Variants in CSMD1 observed in about 807,000 individuals in gnomAD.
The protein encoded by CSMD1 is CUB and sushi domain-containing protein 1.
A neutral mutation model predicts 417.5 loss-of-function variants in CSMD1; 213 were observed. The ratio of observed to expected loss-of-function variants is 0.51; its 90% CI spans 0.46 to 0.57. The LOEUF is 0.57. CSMD1 is among the 20% of genes least tolerant of loss of function. The pLI, the probability that CSMD1 is intolerant of heterozygous loss-of-function variation, is 0.00. For synonymous variants in CSMD1, 2,862 were observed against 1,736.8 expected (o/e 1.65, Z -16.11); for missense variants, 6,923 against 4,529.7 (o/e 1.53, Z -15.17).
chr8:4,924,845 G>A lies in CSMD1; in HGVS notation c.85+69487C>T, dbSNP rs933275905. ...TCATATTAAGATTATTACAGTTCGG[G>A]AAGAAAATATGTTTCTCAAGTTTCC... is the stretch of plus-strand genomic sequence containing the variant. On this transcript the variant is annotated intron_variant, in intron 1 of 69. Transcript: ENST00000635120. Among the ~76,000 whole-genome samples the A allele has an allele frequency of 5.3e-5, 8 of 151,480 alleles. No homozygotes were observed. In the East Asian group the frequency reaches 7.7e-4, roughly 15 times the overall value.
chr8:4,854,270 A>T (rs1295827586), intron 1 of CSMD1, among the ~76,000 whole-genome samples: 1 of 152,122 alleles, frequency 6.6e-6, no homozygotes, highest in East Asian at 1.9e-4. Context: ...TATAATCCCC[A>T]GTGTTGGAGA....
chr8:4,009,024 A>G (rs1277998692), intron 4 of CSMD1, among the ~76,000 whole-genome samples: 1 of 152,154 alleles, frequency 6.6e-6, no homozygotes, highest in Admixed American at 6.6e-5. Flanking sequence ...TTTCCATCAG[A>G]GTAATTATTT....
At chr8:4,750,066 G>A (rs1198631019) in intron 1 of CSMD1, among the ~76,000 whole-genome samples, 1 of 151,838 alleles carries the variant, frequency 6.6e-6, no homozygotes, top group Non-Finnish European at 1.5e-5. Flanking sequence ...GAGTGCAGTG[G>A]GCGATCTCGG....
intron 1 of CSMD1, among the ~76,000 whole-genome samples, chr8:4,921,077 A>G (rs941943303): frequency 6.6e-6 from 1 of 150,950 alleles, no homozygotes; most frequent in Non-Finnish European, 1.5e-5. Flanking sequence ...AGAGAAAGAA[A>G]AAGAAAGAAA....
intron 4 of CSMD1, among the ~76,000 whole-genome samples, chr8:4,025,655 G>C (rs989384953): frequency 7.2e-5 from 11 of 152,230 alleles, no homozygotes; most frequent in African/African-American, 1.7e-4. Context: ...AATTAAGAAA[G>C]ACACAGATCT....
In CSMD1 at chr8:4,567,579, T is replaced by C. The variant is rs181801081; in HGVS notation, c.302+69763A>G. Among the ~76,000 whole-genome samples, 60 of 152,250 alleles carry C rather than the reference T, an allele frequency of 3.9e-4. No individual in the cohort carries two copies. The East Asian group carries it at 9.7e-3, about 25-fold the overall frequency. ...TAAGTGTCTGAATTAGTCACAAAATTGAGCTTGAAAACCCCACAGAAAGAG... is the reference window on the plus strand; with the variant it reads ...TAAGTGTCTGAATTAGTCACAAAATCGAGCTTGAAAACCCCACAGAAAGAG... On this transcript the variant is annotated intron_variant, in intron 2 of 69. Transcript: ENST00000635120.
At chr8:3,032,023 A>ATT (rs1164674433) in intron 50 of CSMD1, among the ~76,000 whole-genome samples, 1 of 151,210 alleles carries the variant, frequency 6.6e-6, no homozygotes, top group Non-Finnish European at 1.5e-5. Context: ...GTATGCTTTG[A>ATT]AAAATAGCCT....
intron 5 of CSMD1, among the ~76,000 whole-genome samples, chr8:3,816,292 T>A (rs1378310889): frequency 2.0e-5 from 3 of 152,210 alleles, no homozygotes; most frequent in Admixed American, 6.5e-5. Context: ...TTGTTCCTCA[T>A]TCTCTGCAGT....
chr8:3,516,553 T>C (rs1276527178), intron 10 of CSMD1, among the ~76,000 whole-genome samples: 1 of 152,234 alleles, frequency 6.6e-6, no homozygotes, highest in Non-Finnish European at 1.5e-5. Context: ...TATCAGGTCA[T>C]GTCTGCTTGA....
At chr8:4,688,378 G>T (rs911757003) in intron 1 of CSMD1, among the ~76,000 whole-genome samples, 2 of 152,120 alleles carry the variant, frequency 1.3e-5, no homozygotes, top group African/African-American at 4.8e-5. Context: ...GGACTATCAG[G>T]TTGAGCGTGG....
intron 1 of CSMD1, among the ~76,000 whole-genome samples, chr8:4,837,023 A>T (rs1034114383): frequency 1.3e-5 from 2 of 149,350 alleles, no homozygotes; most frequent in South Asian, 4.2e-4. Flanking sequence ...TCTGGCCTTG[A>T]TGTTGTTGTT....
intron 3 of CSMD1, among the ~76,000 whole-genome samples, chr8:4,104,094 T>C (rs1159443951): frequency 6.6e-6 from 1 of 152,160 alleles, no homozygotes; most frequent in East Asian, 1.9e-4. Flanking sequence ...ACACAAATGA[T>C]CAAGATTGAC....
intron 3 of CSMD1, among the ~76,000 whole-genome samples, chr8:4,262,021 T>C (rs938472298): frequency 1.7e-4 from 26 of 152,224 alleles, no homozygotes; most frequent in African/African-American, 6.0e-4. Flanking sequence ...GCTTAATCTT[T>C]AGTACTCCTT....
At chr8:3,218,208 C>G (rs1797992597) in intron 29 of CSMD1, among the ~76,000 whole-genome samples, 1 of 152,112 alleles carries the variant, frequency 6.6e-6, no homozygotes. Context: ...GCTAAACCAG[C>G]CATAGCTGAC....
At chr8:4,562,040 A>G (rs1459812476) in intron 2 of CSMD1, among the ~76,000 whole-genome samples, 1 of 152,240 alleles carries the variant, frequency 6.6e-6, no homozygotes, top group African/African-American at 2.4e-5. Context: ...GGCCGTACAT[A>G]TTCAATGCAG....
intron 1 of CSMD1, among the ~76,000 whole-genome samples, chr8:4,663,182 C>A (rs1030897972): frequency 6.6e-6 from 1 of 152,142 alleles, no homozygotes; most frequent in Non-Finnish European, 1.5e-5. Context: ...CTGGGAAGTG[C>A]TGGTTCTCTT....
intron 51 of CSMD1, among the ~76,000 whole-genome samples, chr8:3,021,008 G>A (rs1809325335): frequency 6.6e-6 from 1 of 152,144 alleles, no homozygotes; most frequent in African/African-American, 2.4e-5. Context: ...CTTCAACTAT[G>A]ATATTTAAAG....
At chr8:3,091,198 G>T (rs930378963) in intron 48 of CSMD1, among the ~76,000 whole-genome samples, 1 of 151,688 alleles carries the variant, frequency 6.6e-6, no homozygotes, top group Non-Finnish European at 1.5e-5. Flanking sequence ...CTATTTGTTT[G>T]CTTACCATTT....
At chr8:3,460,966 C>T (rs758117591) in intron 12 of CSMD1, among the ~76,000 whole-genome samples, 1 of 152,110 alleles carries the variant, frequency 6.6e-6, no homozygotes, top group Non-Finnish European at 1.5e-5. Context: ...AGGGCAGTAA[C>T]AATAAGTTTG....
Sources: gnomAD v4.1 joint callset for allele counts (sites outside exome capture counted in the v4.1 genomes callset) on GRCh38, gnomAD v4.1.1 for gene constraint, MANE v1.5 for transcripts, NCBI Gene and HGNC (gene_info 2026-07-23, HGNC 2026-07-21) for gene names.